Variants in SLC25A21 observed in about 807,000 individuals in gnomAD.
SLC25A21 encodes the protein solute carrier family 25 member 21.
Under a neutral mutation model 43.8 loss-of-function variants are expected in SLC25A21, and 47 were observed. The ratio of observed to expected loss-of-function variants is 1.07; its 90% confidence interval spans 0.85 to 1.37. The LOEUF is 1.37. Ranked by LOEUF, SLC25A21 falls within the 40% of genes most tolerant of loss-of-function variation. SLC25A21 has a pLI of 0.00. For synonymous variants in SLC25A21, 131 were observed against 121.3 expected (o/e 1.08, Z -0.52); for missense variants, 352 against 350.2 (o/e 1.00, Z -0.04).
chr14:36,956,183 T>C (rs999004956), intron 1 of SLC25A21, among the ~76,000 whole-genome samples: 1 of 152,164 alleles, frequency 6.6e-6, no homozygotes, highest in Non-Finnish European at 1.5e-5. Flanking sequence ...CCATGTGCAT[T>C]TATGTGTTTT....
chr14:37,171,076 T>C (rs1371826458), intron 1 of SLC25A21, among the ~76,000 whole-genome samples: 1 of 117,054 alleles, frequency 8.5e-6, no homozygotes. Context: ...CCTTCCAGTC[T>C]GGGCAACAGA....
At chr14:36,858,938 T>TG (rs1889984648) in intron 2 of SLC25A21, among the ~76,000 whole-genome samples, 1 of 152,226 alleles carries the variant, frequency 6.6e-6, no homozygotes, top group Non-Finnish European at 1.5e-5. Context: ...AATAATCGAC[T>TG]TTGGTTTTCA....
intron 1 of SLC25A21, among the ~76,000 whole-genome samples, chr14:36,916,209 G>A (rs200304583): frequency 2.6e-5 from 4 of 152,174 alleles, no homozygotes; most frequent in Non-Finnish European, 4.4e-5. Context: ...TTGGACTGTC[G>A]TCAATATGAG....
intron 2 of SLC25A21, among the ~76,000 whole-genome samples, chr14:36,839,485 A>C (rs1889312828): frequency 6.6e-6 from 1 of 152,246 alleles, no homozygotes; most frequent in African/African-American, 2.4e-5. Flanking sequence ...ATTTAGTAAA[A>C]CGCCACACTA....
chr14:37,117,501 T>C (rs1963126599), intron 1 of SLC25A21, among the ~76,000 whole-genome samples: 1 of 152,200 alleles, frequency 6.6e-6, no homozygotes, highest in South Asian at 2.1e-4. Flanking sequence ...GTTTTTTCTA[T>C]ACATCCCTTA....
intron 7 of SLC25A21, among the ~76,000 whole-genome samples, chr14:36,706,191 A>G (rs1221381658): frequency 6.6e-6 from 1 of 152,198 alleles, no homozygotes; most frequent in Non-Finnish European, 1.5e-5. Context: ...GCAATTCTGC[A>G]TACTAACGAG....
At chr14:37,018,939 C>G (rs1337505841) in intron 1 of SLC25A21, among the ~76,000 whole-genome samples, 1 of 151,970 alleles carries the variant, frequency 6.6e-6, no homozygotes, top group East Asian at 1.9e-4. Flanking sequence ...TTAGAAAATA[C>G]TCTGAATATA....
At chr14:36,725,964 T>C (rs17105128) in intron 5 of SLC25A21, among the ~76,000 whole-genome samples, 2,657 of 152,354 alleles carry the variant, frequency 0.017, 84 homozygotes, top group African/African-American at 0.06. Context: ...GTTGTTTTAC[T>C]GATTTAAAGG....
At chr14:37,131,561 C>T (rs1963392018) in intron 1 of SLC25A21, among the ~76,000 whole-genome samples, 1 of 152,066 alleles carries the variant, frequency 6.6e-6, no homozygotes, top group Admixed American at 6.5e-5. Flanking sequence ...GGATTTTTTT[C>T]ACAAGTAACA....
intron 2 of SLC25A21, among the ~76,000 whole-genome samples, chr14:36,859,151 C>G (rs551087160): frequency 6.6e-6 from 1 of 152,054 alleles, no homozygotes; most frequent in Non-Finnish European, 1.5e-5. Flanking sequence ...TGCTTGACAC[C>G]GCTACTCTGC....
rs144475210 is a variant in SLC25A21 at position 37,133,836 on chromosome 14, C to T, written c.70+38445G>A. ...TTCTTGTTTGCTCAGAAAACTCCTA[C>T]TCACCCTTCAATACCCAACATAATT... On this transcript the variant is annotated intron_variant, in intron 1 of 9. Coordinates refer to ENST00000331299, the MANE Select transcript of SLC25A21 (RefSeq NM_030631.4). 6.2e-3 allele frequency among the ~76,000 whole-genome samples: 947 copies of T among 152,284 alleles called. 7 individuals carry two copies. The highest frequency in any genetic ancestry group is 0.02 in the African/African-American group (814 of 41,538).
intron 1 of SLC25A21, among the ~76,000 whole-genome samples, chr14:37,108,770 G>T (rs1962965111): frequency 6.6e-6 from 1 of 151,246 alleles, no homozygotes; most frequent in Admixed American, 6.6e-5. Flanking sequence ...CAATCCCTTT[G>T]TGTTTTGGCT....
intron 1 of SLC25A21, among the ~76,000 whole-genome samples, chr14:37,087,094 G>A (rs771897458): frequency 7.9e-5 from 12 of 152,134 alleles, no homozygotes; most frequent in Admixed American, 1.3e-4. Flanking sequence ...GACGCTTTTC[G>A]TGAACAGTCA....
At chr14:36,822,777 C>T (rs528162477) in intron 2 of SLC25A21, among the ~76,000 whole-genome samples, 2 of 152,278 alleles carry the variant, frequency 1.3e-5, no homozygotes, top group African/African-American at 4.8e-5. Flanking sequence ...TCCTGTGATC[C>T]TAGACACATC....
intron 2 of SLC25A21, among the ~76,000 whole-genome samples, chr14:36,860,092 T>C (rs955464929): frequency 1.3e-5 from 2 of 150,830 alleles, no homozygotes; most frequent in Admixed American, 6.6e-5. Flanking sequence ...ATAAATAACT[T>C]TGATAAGGTC....
intron 1 of SLC25A21, among the ~76,000 whole-genome samples, chr14:37,019,922 C>T (rs989810225): frequency 1.3e-5 from 2 of 151,722 alleles, no homozygotes; most frequent in African/African-American, 4.8e-5. Flanking sequence ...ACAGAGATAA[C>T]CTCCTAAAAG....
intron 3 of SLC25A21, among the ~76,000 whole-genome samples, chr14:36,778,984 T>A (rs1475026583): frequency 1.3e-5 from 2 of 151,926 alleles, no homozygotes; most frequent in Non-Finnish European, 2.9e-5. Flanking sequence ...CTCCCCCCAA[T>A]ACTAATCCCT....
intron 1 of SLC25A21, among the ~76,000 whole-genome samples, chr14:37,155,284 C>G (rs764127573): frequency 6.6e-6 from 1 of 152,022 alleles, no homozygotes; most frequent in Non-Finnish European, 1.5e-5. Flanking sequence ...GGCTTCATGA[C>G]ATTTGGGGCA....
At chr14:37,135,510 G>A (rs1963465897) in intron 1 of SLC25A21, among the ~76,000 whole-genome samples, 1 of 152,138 alleles carries the variant, frequency 6.6e-6, no homozygotes, top group Admixed American at 6.6e-5. Context: ...TTACAGGCAT[G>A]AGCCACCATG....
Sources: allele counts gnomAD v4.1 joint callset (sites outside exome capture counted in the v4.1 genomes callset), GRCh38; gene constraint gnomAD v4.1.1; transcripts MANE v1.5; gene names NCBI Gene and HGNC (gene_info 2026-07-23, HGNC 2026-07-21).